OTOGL: variants seen among roughly 807,000 people sequenced by gnomAD.
The protein encoded by OTOGL is otogelin-like protein.
OTOGL carries 285 observed loss-of-function variants against 318.5 expected under a neutral mutation model. The ratio of observed to expected loss-of-function variants is 0.89; its 90% CI spans 0.81 to 0.99. OTOGL has a LOEUF of 0.99. OTOGL is among the 50% of genes least tolerant of loss of function. The pLI is 0.00. For missense variants in OTOGL, 2,899 were observed against 2,845.6 expected, an observed-to-expected ratio of 1.02 and a Z score of -0.43; for synonymous variants, 987 against 936.5, an observed-to-expected ratio of 1.05 and a Z score of -0.99.
At chr12:80,293,495 C>CAG (rs111334216) in intron 26 of OTOGL, among the ~76,000 whole-genome samples, 5,006 of 152,260 alleles carry the variant, frequency 0.033, 275 homozygotes, top group African/African-American at 0.11. Flanking sequence ...CCCCAGGCAG[C>CAG]AGAGTCATGG....
At chr12:80,149,106 T>A (rs1019670663) in intron 1 of OTOGL, among the ~76,000 whole-genome samples, 1 of 152,250 alleles carries the variant, frequency 6.6e-6, no homozygotes, top group African/African-American at 2.4e-5. Flanking sequence ...AGGAACTGCG[T>A]TCCTTTGGAG....
At chr12:80,103,138 G>T in intron 1 of OTOGL, 2 of 1,159,868 alleles carry the variant, frequency 1.7e-6, no homozygotes, top group Non-Finnish European at 2.6e-6. Context: ...TTGCCAATTT[G>T]CTGACCTTCG....
chr12:80,223,522 G>A (rs1878555637), intron 7 of OTOGL, among the ~76,000 whole-genome samples: 1 of 151,964 alleles, frequency 6.6e-6, no homozygotes, highest in Non-Finnish European at 1.5e-5. Flanking sequence ...TTTCATAGTA[G>A]TTGTACTAGT....
chr12:80,328,678 T>C lies in OTOGL; in HGVS notation c.4213T>C (p.Leu1405=), dbSNP rs114661503. 2.3e-3 allele frequency: 3,665 copies of C among 1,602,674 alleles called. 34 individuals carry two copies. The African/African-American group carries it at 0.027, about 12-fold the overall frequency. ...CKFLPPVEGC[L]PYCPKNMILD... ...TTCCATGTAAAGGGTTGAAGGATGC[T>C]TGCCCTACTGCCCTAAAAATATGAT... Residue 1405 remains leucine (L), a synonymous_variant, in exon 36 of 59, where the codon TTG becomes CTG. Transcript: ENST00000547103.
intron 1 of OTOGL, among the ~76,000 whole-genome samples, chr12:80,198,903 T>C (rs143875071): frequency 7.9e-4 from 121 of 152,324 alleles, no homozygotes; most frequent in African/African-American, 2.8e-3. Flanking sequence ...ACTACAGTGG[T>C]TTCCTGTGGC....
intron 31 of OTOGL, among the ~76,000 whole-genome samples, chr12:80,313,967 A>T (rs549150608): frequency 2.2e-4 from 33 of 152,206 alleles, no homozygotes; most frequent in African/African-American, 4.8e-4. Context: ...AATATATTTT[A>T]AAAAAATCAC....
chr12:80,118,708 G>C (rs1251069797), intron 1 of OTOGL, among the ~76,000 whole-genome samples: 1 of 152,058 alleles, frequency 6.6e-6, no homozygotes, highest in Non-Finnish European at 1.5e-5. Context: ...GACTCTTATT[G>C]CATGTAAGCT....
chr12:80,347,931 G>A (rs898666726), intron 44 of OTOGL, among the ~76,000 whole-genome samples: 2 of 152,160 alleles, frequency 1.3e-5, no homozygotes, highest in African/African-American at 4.8e-5. Flanking sequence ...TTTGAGAAGT[G>A]TCTGTTCCTA....
intron 7 of OTOGL, among the ~76,000 whole-genome samples, chr12:80,227,856 A>G (rs1197756017): frequency 6.6e-6 from 1 of 151,710 alleles, no homozygotes; most frequent in Non-Finnish European, 1.5e-5. Context: ...TTGACCACTC[A>G]CTCTGAAATT....
intron 1 of OTOGL, among the ~76,000 whole-genome samples, chr12:80,107,300 T>C (rs1220165076): frequency 1.3e-5 from 2 of 152,146 alleles, no homozygotes; most frequent in Non-Finnish European, 2.9e-5. Flanking sequence ...AAGGCATACA[T>C]GTGGCTAACA....
At position 80,249,870 on chromosome 12, in the gene OTOGL, C is replaced by T. The variant is rs191225570; in HGVS notation, c.1053-1823C>T. Among the ~76,000 whole-genome samples, 834 of 152,168 alleles carry T rather than the reference C, an allele frequency of 5.5e-3. 12 individuals are homozygous for T. Among genetic ancestry groups the T allele is most frequent in the Non-Finnish European group, 4.8e-3 (323 of 67,990 alleles). Reference sequence around the variant, plus strand: ...AGGTGTGGGATATAGTCTCGTGGTGCGCCGTTTTTTAAGCCGGTCTGAAAT... The same window carrying T: ...AGGTGTGGGATATAGTCTCGTGGTGTGCCGTTTTTTAAGCCGGTCTGAAAT... On this transcript the variant is annotated intron_variant, in intron 11 of 58. Transcript: ENST00000547103.
At chr12:80,323,944 A>G in intron 35 of OTOGL, 104 bp downstream of exon 35, 5 of 790,856 alleles carry the variant, frequency 6.3e-6, no homozygotes, top group East Asian at 2.6e-5. Flanking sequence ...CAAGTTGTAT[A>G]TGCTATATAT....
chr12:80,171,360 A>G (rs1233669620), intron 1 of OTOGL, among the ~76,000 whole-genome samples: 1 of 152,148 alleles, frequency 6.6e-6, no homozygotes, highest in East Asian at 1.9e-4. Flanking sequence ...GATTACAGAC[A>G]TGAGCTACCA....
chr12:80,165,799 T>C (rs1432313041), intron 1 of OTOGL, among the ~76,000 whole-genome samples: 1 of 152,226 alleles, frequency 6.6e-6, no homozygotes, highest in African/African-American at 2.4e-5. Context: ...AATGTAGTAA[T>C]AGCTTCCACT....
intron 1 of OTOGL, among the ~76,000 whole-genome samples, chr12:80,112,938 T>C (rs1484507015): frequency 6.6e-6 from 1 of 152,142 alleles, no homozygotes; most frequent in Admixed American, 6.5e-5. Flanking sequence ...TCAGAACTTG[T>C]TATTGGTCTA....
rs142836099 is a variant in OTOGL at position 80,123,195 on chromosome 12, C to T, written c.-20+23590C>T. Among the ~76,000 whole-genome samples, 722 of 152,220 alleles carry T rather than the reference C, an allele frequency of 4.7e-3. 4 individuals carry two copies. The highest frequency in any genetic ancestry group is 0.017 in the African/African-American group (688 of 41,514). On this transcript the variant is annotated intron_variant, in intron 1 of 58. Transcript: ENST00000547103. ...GCTATCCCTCCCCCTTCCCCCACCC[C>T]ACAACAGGCCCCAGTGTGTGATATT...
At chr12:80,107,448 G>C (rs1349712129) in intron 1 of OTOGL, among the ~76,000 whole-genome samples, 1 of 151,894 alleles carries the variant, frequency 6.6e-6, no homozygotes, top group South Asian at 2.1e-4. Flanking sequence ...GTGAAAAAAT[G>C]ACAGATGCTA....
chr12:80,331,835 C>T (rs975347289), intron 37 of OTOGL, among the ~76,000 whole-genome samples: 1 of 151,928 alleles, frequency 6.6e-6, no homozygotes, highest in Non-Finnish European at 1.5e-5. Flanking sequence ...CATGTGGCAC[C>T]AATGTAATCA....
At chr12:80,238,343 G>T (rs1400403561) in intron 9 of OTOGL, among the ~76,000 whole-genome samples, 3 of 152,002 alleles carry the variant, frequency 2.0e-5, no homozygotes, top group Non-Finnish European at 4.4e-5. Flanking sequence ...TTGCCTATGT[G>T]ACTGTCCTCT....
Sources: allele counts gnomAD v4.1 joint callset (sites outside exome capture counted in the v4.1 genomes callset), GRCh38; gene constraint gnomAD v4.1.1; transcripts MANE v1.5; gene names NCBI Gene and HGNC (gene_info 2026-07-23, HGNC 2026-07-21).